ZFHX4: variants seen among roughly 807,000 people sequenced by gnomAD.
ZFHX4 encodes the protein zinc finger homeobox 4.
In ZFHX4, 56 loss-of-function variants were observed where a neutral mutation model predicts 267.6. That is an observed-to-expected ratio of 0.21 (90% confidence interval 0.17 to 0.26). ZFHX4 has a LOEUF of 0.26. ZFHX4 is among the 10% of genes least tolerant of loss of function. ZFHX4 has a pLI of 1.00. For missense variants in ZFHX4, 4,332 were observed against 4,420.0 expected (o/e 0.98, Z 0.56); for synonymous variants, 1,778 against 1,665.6 (o/e 1.07, Z -1.64).
In ZFHX4 at chr8:76,706,296, G is replaced by T; in HGVS notation, c.2208G>T (p.Glu736Asp). ...NVQNLQNGNGEQVFGHSAPAP... is the reference protein window; with the variant it reads ...NVQNLQNGNGDQVFGHSAPAP... ...AGAATCTCCAAAATGGCAATGGTGA[G>T]CAGGTGTTTGGCCACTCTGCCCCAG... The change falls in exon 2 of 11, where the codon GAG (glutamate) becomes GAT (aspartate). Residue 736 changes from glutamate to aspartate, a missense_variant. Glu to Asp is a conservative substitution (Grantham distance 45, BLOSUM62 2). Coordinates refer to ENST00000651372, the MANE Select transcript of ZFHX4 (RefSeq NM_024721.5). 6.2e-7 allele frequency: 1 copy of T among 1,614,136 alleles called. No homozygotes were observed.
At position 76,851,587 on chromosome 8, in the gene ZFHX4, C is replaced by T; in HGVS notation, c.4666C>T (p.Leu1556Phe). 1 of 1,613,912 alleles carries T rather than the reference C, an allele frequency of 6.2e-7. No individual in the cohort carries two copies. Among genetic ancestry groups the T allele is most frequent in the Non-Finnish European group, 8.5e-7 (1 of 1,179,882 alleles). Residue 1556 changes from leucine to phenylalanine, a missense_variant, in exon 10 of 11, where the codon CTC becomes TTC. This residue lies in a region of ZFHX4 where 1,371 missense variants were observed against 1,423.1 expected (regional missense o/e 0.96). Transcript: ENST00000651372. Reference protein sequence around the residue: ...CKESFTQKNILLVHYNSVSHL... With the variant: ...CKESFTQKNIFLVHYNSVSHL... ...AGAGTCATTCACCCAAAAGAACATTCTCTTGGTCCACTATAATTCAGTTTC... is the reference window on the plus strand; with the variant it reads ...AGAGTCATTCACCCAAAAGAACATTTTCTTGGTCCACTATAATTCAGTTTC...
At chr8:76,728,251 A>G (rs1808906795) in intron 3 of ZFHX4, among the ~76,000 whole-genome samples, 1 of 152,210 alleles carries the variant, frequency 6.6e-6, no homozygotes, top group Admixed American at 6.5e-5. Flanking sequence ...TAGCTTTCCC[A>G]TCCTGGTCAC....
intron 3 of ZFHX4, among the ~76,000 whole-genome samples, chr8:76,734,102 G>C (rs574562484): frequency 1.4e-4 from 22 of 152,284 alleles, no homozygotes; most frequent in Non-Finnish European, 5.9e-5. Flanking sequence ...CAGTGCTCCA[G>C]TCTGAAAAAG....
chr8:76,718,686 A>G (rs894794082), intron 3 of ZFHX4, among the ~76,000 whole-genome samples: 1 of 152,168 alleles, frequency 6.6e-6, no homozygotes, highest in African/African-American at 2.4e-5. Context: ...TAGAGCATCA[A>G]TTCTTAACAT....
At chr8:76,783,536 G>A (rs544200230) in intron 4 of ZFHX4, among the ~76,000 whole-genome samples, 44 of 151,980 alleles carry the variant, frequency 2.9e-4, no homozygotes, top group African/African-American at 9.9e-4. Flanking sequence ...TGGTGATACT[G>A]TGAAGCTAGG....
At chr8:76,721,359 T>C (rs35094993) in intron 3 of ZFHX4, among the ~76,000 whole-genome samples, 8 of 152,152 alleles carry the variant, frequency 5.3e-5, no homozygotes, top group Non-Finnish European at 1.0e-4. Context: ...CTTAAGTATA[T>C]GTTGTTTGAT....
chr8:76,730,413 T>C (rs1461285391), intron 3 of ZFHX4, among the ~76,000 whole-genome samples: 1 of 152,120 alleles, frequency 6.6e-6, no homozygotes, highest in African/African-American at 2.4e-5. Flanking sequence ...TTTAAAACTA[T>C]TTTTAGGCCG....
chr8:76,767,042 G>C (rs1039202571), intron 3 of ZFHX4, among the ~76,000 whole-genome samples: 3 of 130,392 alleles, frequency 2.3e-5, no homozygotes, highest in Non-Finnish European at 3.1e-5. Context: ...GTCTCATAAA[G>C]GGGTGTGTGT....
In ZFHX4 at chr8:76,681,387, C is replaced by T; in HGVS notation, c.-280C>T. ...ACCCCTTCACAACCAAACAGCGAGA[C>T]CGCGGTCGGCACATGCTTTAACTCC... On this transcript the variant is annotated 5_prime_UTR_variant, in exon 1 of 11. Transcript: ENST00000651372. 5.0e-6 allele frequency: 2 copies of T among 398,992 alleles called. No individual in the cohort carries two copies. The allele number at this position is 398,992 out of a possible 1,614,324, so 24.7% of individuals were successfully genotyped here. A position where few individuals can be genotyped will look rare whatever the true frequency, so the allele number is the denominator to read the frequency against.
chr8:76,751,532 T>A (rs921457209), intron 3 of ZFHX4, among the ~76,000 whole-genome samples: 3 of 152,216 alleles, frequency 2.0e-5, no homozygotes, highest in African/African-American at 7.2e-5. Flanking sequence ...GCCATCTTTA[T>A]GTCAGTGTCT....
intron 6 of ZFHX4, 25 bp from the exon 7 acceptor site, chr8:76,848,970 T>G (rs775803196): frequency 1.9e-5 from 28 of 1,474,628 alleles, no homozygotes; most frequent in Non-Finnish European, 2.2e-5. Context: ...TTAAATTGAA[T>G]TGTTCTATTC....
rs1173718241 is a variant in ZFHX4, at chr8:76,849,122, T to A, written c.3639T>A (p.His1213Gln). 6.4e-7 allele frequency: 1 copy of A among 1,550,740 alleles called. No individual in the cohort carries two copies. Among genetic ancestry groups the A allele is most frequent in the African/African-American group, 1.4e-5 (1 of 72,958 alleles). Residue 1213 changes from histidine (H) to glutamine (Q), a missense_variant, in exon 7 of 11, where the codon CAT becomes CAA. This residue lies in a region of ZFHX4 where 1,371 missense variants were observed against 1,423.1 expected (regional missense o/e 0.96). Transcript: ENST00000651372. Reference protein sequence around the residue: ...SKPTEDNKFCHEQFYQCPYCN... With the variant: ...SKPTEDNKFCQEQFYQCPYCN... ...CTACAGAGGACAATAAATTCTGTCATGAACAGGTAAATACTTTTTTTCCCC... is the reference window on the plus strand; with the variant it reads ...CTACAGAGGACAATAAATTCTGTCAAGAACAGGTAAATACTTTTTTTCCCC...
At position 76,726,656 on chromosome 8, in the gene ZFHX4, A is replaced by G. The variant is rs547755228; in HGVS notation, c.3093+18608A>G. On this transcript the variant is annotated intron_variant, in intron 3 of 10. Coordinates refer to ENST00000651372, the MANE Select transcript of ZFHX4 (RefSeq NM_024721.5). ...AAAAGTTAAAAGGAATAACAATTAT[A>G]GAGAATGAGAACCCATGGTTAAAAT... 4.0e-3 allele frequency among the ~76,000 whole-genome samples: 613 copies of G among 152,324 alleles called. 2 individuals are homozygous for G. The highest frequency in any genetic ancestry group is 0.01 in the Middle Eastern group (3 of 294).
At chr8:76,776,364 A>G (rs1810401048) in intron 3 of ZFHX4, among the ~76,000 whole-genome samples, 1 of 152,050 alleles carries the variant, frequency 6.6e-6, no homozygotes, top group Non-Finnish European at 1.5e-5. Flanking sequence ...CCATCCCACA[A>G]GGCACTCTCT....
In ZFHX4 at chr8:76,856,111, C is replaced by T. The variant is rs1812717076; in HGVS notation, c.9190C>T (p.Leu3064Phe). The T allele has an allele frequency of 1.9e-6, 3 of 1,613,844 alleles. No individual in the cohort carries two copies. The African/African-American group carries it at 4.0e-5, about 22-fold the overall frequency. The change falls in exon 10 of 11, where the codon CTT (leucine) becomes TTT (phenylalanine). Residue 3064 changes from leucine to phenylalanine, a missense_variant. Coordinates refer to ENST00000651372, the MANE Select transcript of ZFHX4 (RefSeq NM_024721.5). The stretch of plus-strand genomic sequence containing the variant: ...TCGGCAGCTGATGGCACAGCAAGAA[C>T]TTGATCGTATAAAGAAAGCTTCAGA... The part of the protein sequence containing the change: ...TVRQLMAQQE[L>F]DRIKKASDVL...
rs1812624357 is a variant in ZFHX4, at chr8:76,853,959, A to G, written c.7038A>G (p.Glu2346=). Residue 2346 remains glutamate (E), a synonymous_variant, in exon 10 of 11, where the codon GAA becomes GAG. Coordinates refer to ENST00000651372, the MANE Select transcript of ZFHX4 (RefSeq NM_024721.5). ...YKDEDDDAQD[E]SQTEDSMDAT... The stretch of plus-strand genomic sequence containing the variant: ...ATGAAGATGATGATGCCCAAGATGA[A>G]AGCCAAACAGAAGACTCCATGGATG... 6.2e-7 allele frequency: 1 copy of G among 1,613,826 alleles called. No homozygotes were observed. Among genetic ancestry groups the G allele is most frequent in the Non-Finnish European group, 8.5e-7 (1 of 1,179,836 alleles).
intron 1 of ZFHX4, among the ~76,000 whole-genome samples, chr8:76,689,156 A>G (rs898506643): frequency 9.9e-5 from 15 of 152,150 alleles, no homozygotes; most frequent in Admixed American, 2.6e-4. Context: ...AAAGAACAAA[A>G]AAATCCACAT....
rs948023747 is a variant in ZFHX4, at chr8:76,859,725, G to A, written c.9380-3369G>A. ...ACATTTGGGGTAAATGTAGATAAGA[G>A]TAAGTCCTTAATAATTTTAGCACAA... On this transcript the variant is annotated intron_variant, in intron 10 of 10. Coordinates refer to ENST00000651372, the MANE Select transcript of ZFHX4 (RefSeq NM_024721.5). 5.9e-5 allele frequency among the ~76,000 whole-genome samples: 9 copies of A among 152,146 alleles called. No individual in the cohort carries two copies. In the East Asian group the frequency reaches 7.7e-4, roughly 13 times the overall value.
intron 3 of ZFHX4, among the ~76,000 whole-genome samples, chr8:76,743,780 G>A (rs1202120704): frequency 1.3e-5 from 2 of 152,122 alleles, no homozygotes; most frequent in Admixed American, 6.6e-5. Flanking sequence ...TAAGAAACTG[G>A]CAAGTCTAGA....
Sources: gnomAD v4.1 joint callset for allele counts (sites outside exome capture counted in the v4.1 genomes callset) on GRCh38, gnomAD v4.1.1 for gene constraint, gnomAD v4.1.1 regional missense constraint, MANE v1.5 for transcripts, NCBI Gene and HGNC (gene_info 2026-07-23, HGNC 2026-07-21) for gene names.